The following TANGO2 variants were observed in gnomAD, a reference collection of about 807,000 sequenced individuals.
TANGO2 encodes transport and Golgi organization protein 2 homolog.
A neutral mutation model predicts 39.1 loss-of-function variants in TANGO2; 26 were observed. The ratio of observed to expected loss-of-function variants is 0.67; its 90% confidence interval spans 0.49 to 0.92. The LOEUF (loss-of-function observed/expected upper bound fraction) is 0.92. Among genes scored for constraint, TANGO2 ranks in the 40% least tolerant of loss-of-function variants. The probability of loss-of-function intolerance (pLI) is 0.00; values close to 1 mark genes in which losing one functional copy is unlikely to be tolerated. For missense variants in TANGO2, 326 were observed against 360.1 expected (o/e 0.91, Z 0.77); for synonymous variants, 131 against 144.5 (o/e 0.91, Z 0.67).
At chr22:20,041,594 G>A (rs2043949165) in intron 2 of TANGO2, among the ~76,000 whole-genome samples, 1 of 152,018 alleles carries the variant, frequency 6.6e-6, no homozygotes, top group South Asian at 2.1e-4. Context: ...TTACAGGCGT[G>A]AGCCACCGGG....
At position 20,038,687 on chromosome 22, in the gene TANGO2, G is replaced by GT. The variant is rs2043313981; in HGVS notation, c.56+1834dup. Among the ~76,000 whole-genome samples, 3 of 152,328 alleles carry GT rather than the reference G, an allele frequency of 2.0e-5. No homozygotes were observed. In the South Asian group the frequency reaches 6.2e-4, roughly 32 times the overall value. ...CTGGGTGACTGAGCAAATGTGCGCTGTGTTTTCCTGACTTCATGGGAGGGT... is the reference window on the plus strand; with the variant it reads ...CTGGGTGACTGAGCAAATGTGCGCTGTTGTTTTCCTGACTTCATGGGAGGGT... On this transcript the variant is annotated intron_variant, in intron 2 of 8. Transcript: ENST00000327374.
rs2049256812 is a variant in TANGO2 at position 20,067,100 on chromosome 22, A to G, written c.*2438A>G. On this transcript the variant is annotated 3_prime_UTR_variant, in exon 9 of 9. Transcript: ENST00000327374. Reference sequence around the variant, plus strand: ...TCGTTAGTGTGGGCCCTAATCCAATATGACGGCTATCCTTATAAAAAGAGG... The same window carrying G: ...TCGTTAGTGTGGGCCCTAATCCAATGTGACGGCTATCCTTATAAAAAGAGG... The G allele has an allele frequency of 6.6e-6, 1 of 152,168 alleles. No individual in the cohort carries two copies. Among genetic ancestry groups the G allele is most frequent in the Non-Finnish European group, 1.5e-5 (1 of 68,028 alleles). The allele number at this position is 152,168 out of a possible 1,614,324, so 9.4% of individuals were successfully genotyped here.
chr22:20,049,907 A>T (rs2045966446), intron 3 of TANGO2, among the ~76,000 whole-genome samples: 1 of 151,972 alleles, frequency 6.6e-6, no homozygotes, highest in Admixed American at 6.6e-5. Flanking sequence ...ACAAATAATA[A>T]CAAGAAGAAA....
chr22:20,039,121 A>G (rs1194137917), intron 2 of TANGO2, among the ~76,000 whole-genome samples: 1 of 149,114 alleles, frequency 6.7e-6, no homozygotes, highest in East Asian at 2.0e-4. Flanking sequence ...TTTGGTAGAG[A>G]CAAGTTCTCA....
Position 20,056,059 on chromosome 22 carries a change from G to A in TANGO2, c.451+46G>A, listed in dbSNP as rs112944224. The A allele has an allele frequency of 2.7e-4, 400 of 1,477,456 alleles. No individual in the cohort carries two copies. The African/African-American group carries it at 4.3e-3, about 16-fold the overall frequency. 91.5% of individuals were successfully genotyped at this position (1,477,456 alleles called of 1,614,324 possible). On this transcript the variant is annotated intron_variant, in intron 6 of 8. Coordinates refer to ENST00000327374, the MANE Select transcript of TANGO2 (RefSeq NM_152906.7). ...TGATGGGGTGGGGGACTGTTTCTATGCAGAGGTCACCCTTGTGCTTTTTAG... is the reference window on the plus strand; with the variant it reads ...TGATGGGGTGGGGGACTGTTTCTATACAGAGGTCACCCTTGTGCTTTTTAG...
At chr22:20,023,320 T>A (rs768209968) in intron 1 of TANGO2, among the ~76,000 whole-genome samples, 6 of 151,958 alleles carry the variant, frequency 3.9e-5, no homozygotes, top group Non-Finnish European at 8.8e-5. Context: ...TACTAACCAC[T>A]CAGGCCGCAG....
Position 20,066,779 on chromosome 22 carries a change from A to G in TANGO2, c.*2117A>G, listed in dbSNP as rs2049228744. Among the ~76,000 whole-genome samples the G allele has an allele frequency of 6.6e-6, 1 of 151,988 alleles. No individual in the cohort carries two copies. Among genetic ancestry groups the G allele is most frequent in the Non-Finnish European group, 1.5e-5 (1 of 67,980 alleles). ...TGCCGGTGACCAGTGCCAGTCCCCAACCTGGATGGTGCCCTGCCCTCATGA... is the reference window on the plus strand; with the variant it reads ...TGCCGGTGACCAGTGCCAGTCCCCAGCCTGGATGGTGCCCTGCCCTCATGA... On this transcript the variant is annotated 3_prime_UTR_variant, in exon 9 of 9. Coordinates refer to ENST00000327374, the MANE Select transcript of TANGO2 (RefSeq NM_152906.7).
chr22:20,051,733 G>C (rs910831335), intron 3 of TANGO2, among the ~76,000 whole-genome samples: 1 of 151,794 alleles, frequency 6.6e-6, no homozygotes, highest in Non-Finnish European at 1.5e-5. Context: ...CCTGCCTGTG[G>C]TCCCAGCTAC....
rs1224398993 is a variant in TANGO2 at position 20,061,580 on chromosome 22, T to C, written c.502T>C (p.Cys168Arg). The change falls in exon 7 of 9, where the codon TGC becomes CGC. Residue 168 changes from cysteine to arginine, a missense_variant. Coordinates refer to ENST00000327374, the MANE Select transcript of TANGO2 (RefSeq NM_152906.7). ...GCTGGAGACTCCCTGGAGGAAGCTGTGCTTTGGGAAGCAGCTCTTCCTGGA... is the reference window on the plus strand; with the variant it reads ...GCTGGAGACTCCCTGGAGGAAGCTGCGCTTTGGGAAGCAGCTCTTCCTGGA... ...ALLETPWRKLCFGKQLFLEAV... is the reference protein window; with the variant it reads ...ALLETPWRKLRFGKQLFLEAV... 1.2e-6 allele frequency: 2 copies of C among 1,603,140 alleles called. No individual in the cohort carries two copies. The highest frequency in any genetic ancestry group is 1.7e-6 in the Non-Finnish European group (2 of 1,175,364).
At chr22:20,047,237 T>G (rs1168608734) in intron 3 of TANGO2, among the ~76,000 whole-genome samples, 4 of 150,568 alleles carry the variant, frequency 2.7e-5, no homozygotes, top group Admixed American at 6.6e-5. Context: ...TGTTTGTTTT[T>G]TTTTTTTTTT....
upstream of TANGO2, chr22:20,017,299 A>G (rs189692207): frequency 6.6e-6 from 1 of 152,364 alleles, no homozygotes; most frequent in Non-Finnish European, 1.5e-5. Context: ...TTCTGCTGCT[A>G]TCCCCATTTT....
At chr22:20,034,009 C>T (rs944986307) in intron 1 of TANGO2, among the ~76,000 whole-genome samples, 1 of 152,170 alleles carries the variant, frequency 6.6e-6, no homozygotes, top group Non-Finnish European at 1.5e-5. Flanking sequence ...AGTTGGAGAC[C>T]AGCCTGACCA....
upstream of TANGO2, among the ~76,000 whole-genome samples, chr22:20,017,865 T>G (rs1304323605): frequency 6.6e-6 from 1 of 152,162 alleles, no homozygotes; most frequent in Non-Finnish European, 1.5e-5. Flanking sequence ...CTGAGATGAC[T>G]TCTTAGCCAG....
chr22:20,042,754 G>A (rs1229107166), intron 2 of TANGO2, among the ~76,000 whole-genome samples: 2 of 152,072 alleles, frequency 1.3e-5, no homozygotes, highest in Non-Finnish European at 2.9e-5. Flanking sequence ...GACACAGAGA[G>A]ACTCCATCTC....
chr22:20,019,860 C>T (rs2039440177), upstream of TANGO2, among the ~76,000 whole-genome samples: 1 of 152,260 alleles, frequency 6.6e-6, no homozygotes, highest in Non-Finnish European at 1.5e-5. Flanking sequence ...CCATGTCTGG[C>T]TGGGTCTGCG....
Position 20,023,755 on chromosome 22 carries a change from G to C in TANGO2, c.-40+2509G>C, listed in dbSNP as rs953049224. Among the ~76,000 whole-genome samples the C allele has an allele frequency of 2.0e-5, 3 of 152,174 alleles. No individual in the cohort carries two copies. In the East Asian group the frequency reaches 5.8e-4, roughly 29 times the overall value. ...CACCTGTAGTCCCAGCTACTCGGGA[G>C]GCTGAGGCAGGAGAATGGCGTGAAC... On this transcript the variant is annotated intron_variant, in intron 1 of 8. Coordinates refer to ENST00000327374, the MANE Select transcript of TANGO2 (RefSeq NM_152906.7).
At chr22:20,034,515 C>T (rs139184810) in intron 1 of TANGO2, among the ~76,000 whole-genome samples, 9 of 152,260 alleles carry the variant, frequency 5.9e-5, no homozygotes, top group African/African-American at 2.2e-4. Flanking sequence ...GTGCTGGAAC[C>T]CCTTAAAACT....
rs3804046 is a variant in TANGO2, at chr22:20,052,344, C to T, written c.146-121C>T. 52,379 of 1,423,982 alleles carry T rather than the reference C, an allele frequency of 0.037. 1,445 individuals carry two copies. Among genetic ancestry groups the T allele is most frequent in the African/African-American group, 0.096 (6,798 of 70,880 alleles). 88.2% of individuals were successfully genotyped at this position (1,423,982 alleles called of 1,614,324 possible). ...GGGGCTGCTGGGCCAAGCCGCATGT[C>T]GAACGTCCTCGAGGAGCTTGAGGCA... On this transcript the variant is annotated intron_variant, in intron 3 of 8. Coordinates refer to ENST00000327374, the MANE Select transcript of TANGO2 (RefSeq NM_152906.7).
At chr22:20,025,692 C>T (rs2040602649) in intron 1 of TANGO2, among the ~76,000 whole-genome samples, 1 of 152,212 alleles carries the variant, frequency 6.6e-6, no homozygotes, top group Non-Finnish European at 1.5e-5. Flanking sequence ...CCTGCTGCCT[C>T]ATCACCATGG....
Sources: gnomAD v4.1 joint callset for allele counts (sites outside exome capture counted in the v4.1 genomes callset) on GRCh38, gnomAD v4.1.1 for gene constraint, MANE v1.5 for transcripts, NCBI Gene and HGNC (gene_info 2026-07-23, HGNC 2026-07-21) for gene names.